Variants in CDK5RAP2 observed in about 807,000 individuals in gnomAD.
CDK5RAP2 encodes CDK5 regulatory subunit associated protein 2, also known as CDK5 regulatory subunit-associated protein 2.
A neutral mutation model predicts 232.9 loss-of-function variants in CDK5RAP2; 147 were observed. That is an observed-to-expected ratio of 0.63 (90% CI 0.55 to 0.72). CDK5RAP2 has a LOEUF of 0.72. Among genes scored for constraint, CDK5RAP2 ranks in the 30% least tolerant of loss-of-function variants. CDK5RAP2 has a pLI of 0.00. For synonymous variants in CDK5RAP2, 833 were observed against 833.7 expected (o/e 1.00, Z 0.01); for missense variants, 2,195 against 2,231.5 (o/e 0.98, Z 0.33).
At chr9:120,413,940 T>A (rs2034044734) in intron 28 of CDK5RAP2, among the ~76,000 whole-genome samples, 1 of 152,070 alleles carries the variant, frequency 6.6e-6, no homozygotes, top group Non-Finnish European at 1.5e-5. Context: ...TCCCGGCTGG[T>A]AGCTATGATG....
At chr9:120,523,734 C>T (rs1564336374) in intron 11 of CDK5RAP2, among the ~76,000 whole-genome samples, 1 of 152,138 alleles carries the variant, frequency 6.6e-6, no homozygotes, top group Non-Finnish European at 1.5e-5. Flanking sequence ...GCAGTATGGA[C>T]TTACTTTGAT....
At chr9:120,552,611 C>T (rs1225976882) in intron 3 of CDK5RAP2, among the ~76,000 whole-genome samples, 1 of 148,068 alleles carries the variant, frequency 6.8e-6, no homozygotes, top group African/African-American at 2.5e-5. Flanking sequence ...CCAAACACCA[C>T]ACGTTCTCAC....
intron 12 of CDK5RAP2, among the ~76,000 whole-genome samples, chr9:120,506,855 A>G (rs2039840250): frequency 6.6e-6 from 1 of 152,240 alleles, no homozygotes; most frequent in Non-Finnish European, 1.5e-5. Context: ...TGCTGTGAAC[A>G]TTGTTGAAAT....
intron 25 of CDK5RAP2, among the ~76,000 whole-genome samples, chr9:120,426,608 T>C (rs1398346474): frequency 6.6e-6 from 1 of 152,142 alleles, no homozygotes; most frequent in Non-Finnish European, 1.5e-5. Flanking sequence ...GGCAAATATT[T>C]CCTATTCAGA....
intron 22 of CDK5RAP2, among the ~76,000 whole-genome samples, chr9:120,446,561 G>A (rs1310260636): frequency 2.6e-5 from 4 of 152,096 alleles, no homozygotes; most frequent in Non-Finnish European, 4.4e-5. Flanking sequence ...GTCAAATCAC[G>A]ACTCTGCTGC....
At chr9:120,443,535 G>T in intron 23 of CDK5RAP2, 85 bp downstream of exon 23, 1 of 1,438,252 alleles carries the variant, frequency 7.0e-7, no homozygotes. Flanking sequence ...GCTGCTATGG[G>T]CTTAGTAATA....
At chr9:120,502,376 C>T (rs900670834) in intron 12 of CDK5RAP2, among the ~76,000 whole-genome samples, 9 of 152,152 alleles carry the variant, frequency 5.9e-5, no homozygotes, top group Non-Finnish European at 4.4e-5. Context: ...ACCTCATTTC[C>T]GAGATTCAGT....
intron 1 of CDK5RAP2, 99 bp from the exon 2 acceptor site, chr9:120,572,140 G>T: frequency 2.1e-6 from 2 of 944,662 alleles, no homozygotes; most frequent in Non-Finnish European, 3.4e-6. Context: ...CCATGGCCAG[G>T]AGGGATGCAC....
At chr9:120,506,959 TG>T (rs1343811990) in intron 12 of CDK5RAP2, among the ~76,000 whole-genome samples, 2 of 152,238 alleles carry the variant, frequency 1.3e-5, no homozygotes, top group Non-Finnish European at 2.9e-5. Context: ...GAAGTTCTAC[TG>T]TGGGTAAAAT....
chr9:120,480,279 G>GTT (rs2038230941), intron 14 of CDK5RAP2, among the ~76,000 whole-genome samples: 1 of 152,076 alleles, frequency 6.6e-6, no homozygotes, highest in African/African-American at 2.4e-5. Flanking sequence ...AAAATTTACA[G>GTT]GCTGTAGGAA....
chr9:120,398,346 T>C (rs893205402), intron 35 of CDK5RAP2, among the ~76,000 whole-genome samples: 2 of 152,328 alleles, frequency 1.3e-5, no homozygotes, highest in Admixed American at 6.5e-5. Flanking sequence ...AATAGAAATA[T>C]AATAATTCAG....
rs1161783834 is a variant in CDK5RAP2, at chr9:120,545,669, C to A, written c.383+45G>T. On this transcript the variant is annotated intron_variant, in intron 5 of 37. Coordinates refer to ENST00000349780, the MANE Select transcript of CDK5RAP2 (RefSeq NM_018249.6). ...GTACGGCTCTATTTCACTGACCAACCCAGTGTGGGCGACTTGCAAGCTTTC... is the reference window on the plus strand; with the variant it reads ...GTACGGCTCTATTTCACTGACCAACACAGTGTGGGCGACTTGCAAGCTTTC... The A allele has an allele frequency of 2.1e-6, 3 of 1,438,176 alleles. No homozygotes were observed. In the African/African-American group the frequency reaches 4.2e-5, roughly 20 times the overall value. The allele number at this position is 1,438,176 out of a possible 1,614,324, so 89.1% of individuals were successfully genotyped here.
intron 8 of CDK5RAP2, among the ~76,000 whole-genome samples, 196 bp downstream of exon 8, chr9:120,529,782 G>C (rs775279660): frequency 7.2e-5 from 11 of 152,198 alleles, no homozygotes; most frequent in South Asian, 2.1e-4. Context: ...ACTCTTTATA[G>C]GAACAGGAGA....
At position 120,477,454 on chromosome 9, in the gene CDK5RAP2, G is replaced by A. The variant is rs1302008849; in HGVS notation, c.1627-4C>T. 2 of 1,606,130 alleles carry A rather than the reference G, an allele frequency of 1.2e-6. No individual in the cohort carries two copies. Among genetic ancestry groups the A allele is most frequent in the Non-Finnish European group, 1.7e-6 (2 of 1,173,308 alleles). On this transcript the variant is annotated splice_polypyrimidine_tract_variant and splice_region_variant and intron_variant, in intron 14 of 37. Coordinates refer to ENST00000349780, the MANE Select transcript of CDK5RAP2 (RefSeq NM_018249.6). The stretch of plus-strand genomic sequence containing the variant: ...AGTCTGATGATTGTTTCTTTTCCTG[G>A]AAATGACAATGGGCATTTGACATTA...
intron 1 of CDK5RAP2, among the ~76,000 whole-genome samples, chr9:120,577,964 T>C (rs769398398): frequency 4.6e-5 from 7 of 152,162 alleles, no homozygotes; most frequent in Non-Finnish European, 8.8e-5. Flanking sequence ...GAAGAGCAGA[T>C]TTATATTTAA....
chr9:120,530,857 T>G (rs1588583212), intron 7 of CDK5RAP2, among the ~76,000 whole-genome samples: 2 of 60,960 alleles, frequency 3.3e-5, no homozygotes, highest in Non-Finnish European at 5.8e-5. Flanking sequence ...GGGCCTGTTG[T>G]GGGGTGGGGG....
intron 22 of CDK5RAP2, among the ~76,000 whole-genome samples, chr9:120,445,138 T>C (rs933368227): frequency 6.6e-6 from 1 of 152,230 alleles, no homozygotes; most frequent in African/African-American, 2.4e-5. Context: ...CTAAGTGAAC[T>C]TGGGATGACC....
chr9:120,507,024 A>G (rs1181290202), intron 12 of CDK5RAP2, among the ~76,000 whole-genome samples: 1 of 152,198 alleles, frequency 6.6e-6, no homozygotes, highest in Admixed American at 6.5e-5. Context: ...GGAAGAGTTA[A>G]TCAACGTGGC....
chr9:120,415,407 C>A (rs2034153260), intron 27 of CDK5RAP2, among the ~76,000 whole-genome samples: 1 of 152,156 alleles, frequency 6.6e-6, no homozygotes, highest in South Asian at 2.1e-4. Context: ...AAATTATATT[C>A]CATACAATTT....
Sources: gnomAD v4.1 joint callset for allele counts (sites outside exome capture counted in the v4.1 genomes callset) on GRCh38, gnomAD v4.1.1 for gene constraint, MANE v1.5 for transcripts, NCBI Gene and HGNC (gene_info 2026-07-23, HGNC 2026-07-21) for gene names.